The following DZANK1 variants were observed in gnomAD, a reference collection of about 807,000 sequenced individuals.
DZANK1 encodes the protein double zinc ribbon and ankyrin repeat-containing protein 1.
Under a neutral mutation model 94.5 loss-of-function variants are expected in DZANK1, and 91 were observed. That is an observed-to-expected ratio of 0.96 (90% CI 0.81 to 1.15). DZANK1 has a LOEUF of 1.15. Ranked by LOEUF, DZANK1 falls within the 50% of genes most tolerant of loss-of-function variation. The pLI, the probability that DZANK1 is intolerant of heterozygous loss-of-function variation, is 0.00. For missense variants in DZANK1, 903 were observed against 916.4 expected (o/e 0.99, Z 0.19); for synonymous variants, 312 against 325.3 (o/e 0.96, Z 0.44).
At chr20:18,386,026 T>C (rs1158498165) in intron 19 of DZANK1, among the ~76,000 whole-genome samples, 1 of 151,810 alleles carries the variant, frequency 6.6e-6, no homozygotes, top group African/African-American at 2.4e-5. Flanking sequence ...GAGTCATGAC[T>C]GGAAGTAGAA....
At chr20:18,453,188 C>T (rs1205630252) in intron 5 of DZANK1, among the ~76,000 whole-genome samples, 1 of 152,190 alleles carries the variant, frequency 6.6e-6, no homozygotes, top group Non-Finnish European at 1.5e-5. Flanking sequence ...AAACATTCAA[C>T]TCTTGCCTGG....
At chr20:18,438,036 G>A (rs1479710305) in intron 8 of DZANK1, among the ~76,000 whole-genome samples, 1 of 151,688 alleles carries the variant, frequency 6.6e-6, no homozygotes, top group Non-Finnish European at 1.5e-5. Context: ...GGCTAACATG[G>A]TGAAACCCCG....
intron 9 of DZANK1, among the ~76,000 whole-genome samples, chr20:18,428,222 T>A (rs2058136601): frequency 6.6e-6 from 1 of 150,850 alleles, no homozygotes; most frequent in Admixed American, 6.6e-5. Context: ...GGAATCTCCT[T>A]CTGTCACCCA....
chr20:18,421,788 G>A (rs1266932191), intron 10 of DZANK1, among the ~76,000 whole-genome samples: 1 of 152,120 alleles, frequency 6.6e-6, no homozygotes, highest in Admixed American at 6.5e-5. Flanking sequence ...GGATTTGCAG[G>A]TGCCTCATCC....
rs576762659 is a variant in DZANK1 at position 18,441,654 on chromosome 20, G to C, written c.747+1693C>G. 6.6e-6 allele frequency among the ~76,000 whole-genome samples: 1 copy of C among 152,198 alleles called. No homozygotes were observed. The highest frequency in any genetic ancestry group is 6.5e-5 in the Admixed American group (1 of 15,282). On this transcript the variant is annotated intron_variant, in intron 8 of 20. Transcript: ENST00000262547. The surrounding 1 kb of genome is among the most constrained non-coding windows in gnomAD (Gnocchi z 4.1). ...GAATTGAGTGTGGTTGTCACCCACC[G>C]GATGGCAGAGAAGTTCACTGAGGTG...
chr20:18,424,051 G>T (rs1228029227), intron 10 of DZANK1, among the ~76,000 whole-genome samples: 1 of 152,032 alleles, frequency 6.6e-6, no homozygotes, highest in Non-Finnish European at 1.5e-5. Flanking sequence ...GAGAGAGAAG[G>T]AATGATAAAG....
At chr20:18,394,401 C>A in intron 15 of DZANK1, 51 bp from the exon 16 acceptor site, 1 of 1,552,326 alleles carries the variant, frequency 6.4e-7, no homozygotes, top group East Asian at 2.3e-5. Context: ...TGCTTTGTCC[C>A]ACTAGAAAGA....
intron 13 of DZANK1, among the ~76,000 whole-genome samples, 187 bp from the exon 14 acceptor site, chr20:18,398,813 A>G (rs1359099865): frequency 6.6e-6 from 1 of 152,234 alleles, no homozygotes. Context: ...TGCTTGTTAC[A>G]TGTAATTAAT....
Position 18,390,363 on chromosome 20 carries a change from C to G in DZANK1, c.1890+16G>C, listed in dbSNP as rs1325154164. On this transcript the variant is annotated intron_variant, in intron 18 of 20. Coordinates refer to ENST00000262547, the Ensembl canonical transcript of DZANK1. ...CTGAACTCTTCAGAGAGACTGGCTC[C>G]TTTGGCAACACTTACCTCATCCAGC... is the stretch of plus-strand genomic sequence containing the variant. 9 of 1,613,418 alleles carry G rather than the reference C, an allele frequency of 5.6e-6. No homozygotes were observed. The highest frequency in any genetic ancestry group is 7.6e-6 in the Non-Finnish European group (9 of 1,179,404).
chr20:18,426,593 T>G (rs1035478377), intron 10 of DZANK1, among the ~76,000 whole-genome samples: 1 of 152,234 alleles, frequency 6.6e-6, no homozygotes, highest in Non-Finnish European at 1.5e-5. Context: ...GTATTTAAAG[T>G]GCATATACTC....
At chr20:18,460,619 C>T (rs909686585) in intron 2 of DZANK1, among the ~76,000 whole-genome samples, 1 of 152,098 alleles carries the variant, frequency 6.6e-6, no homozygotes, top group Non-Finnish European at 1.5e-5. Context: ...GTCCCAGCTA[C>T]TCAGGAGGCT....
At position 18,413,638 on chromosome 20, in the gene DZANK1, G is replaced by A. The variant is rs1477032156; in HGVS notation, c.1242+710C>T. 3.3e-5 allele frequency among the ~76,000 whole-genome samples: 5 copies of A among 152,064 alleles called. No homozygotes were observed. The East Asian group carries it at 9.7e-4, about 29-fold the overall frequency. ...CTACTAAAAATACAAAAATTAGCCG[G>A]GCATGGTGGCACGGGCCTGTAATCC... On this transcript the variant is annotated intron_variant, in intron 12 of 20. Coordinates refer to ENST00000262547, the Ensembl canonical transcript of DZANK1.
chr20:18,415,204 T>G, intron 11 of DZANK1, 123 bp downstream of exon 11: 1 of 997,140 alleles, frequency 1.0e-6, no homozygotes, highest in Non-Finnish European at 1.3e-6. Context: ...ATTCTTAGGT[T>G]ATAGGTACCA....
intron 10 of DZANK1, among the ~76,000 whole-genome samples, chr20:18,416,090 C>T (rs1363530761): frequency 6.6e-6 from 1 of 152,226 alleles, no homozygotes; most frequent in Non-Finnish European, 1.5e-5. Context: ...CCACACTGCC[C>T]TGCACCCTCA....
At chr20:18,394,700 G>A (rs760872790) in intron 15 of DZANK1, 10 of 514,760 alleles carry the variant, frequency 1.9e-5, no homozygotes, top group Non-Finnish European at 3.8e-5. Flanking sequence ...AAGTGATTGT[G>A]TCATTTCTCT....
intron 2 of DZANK1, among the ~76,000 whole-genome samples, chr20:18,461,604 T>C (rs2059475280): frequency 6.6e-6 from 1 of 151,266 alleles, no homozygotes; most frequent in African/African-American, 2.4e-5. Context: ...TGTAATCTTT[T>C]TTTTTTTTTT....
intron 13 of DZANK1, among the ~76,000 whole-genome samples, chr20:18,402,825 C>T (rs2056753286): frequency 6.6e-6 from 1 of 152,184 alleles, no homozygotes; most frequent in East Asian, 1.9e-4. Flanking sequence ...GAATTTGCCA[C>T]TGCAAACAAA....
intron 19 of DZANK1, among the ~76,000 whole-genome samples, chr20:18,389,455 C>A (rs2048712744): frequency 6.6e-6 from 1 of 152,216 alleles, no homozygotes; most frequent in Non-Finnish European, 1.5e-5. Flanking sequence ...TATGAATTAA[C>A]AAAATGTATC....
chr20:18,394,222 T>A (rs1045897001), intron 16 of DZANK1, 32 bp downstream of exon 16: 10 of 1,592,382 alleles, frequency 6.3e-6, no homozygotes, highest in Non-Finnish European at 8.6e-6. Flanking sequence ...CCTGGTCAGT[T>A]GTTTTAAAAT....
Sources: gnomAD v4.1 joint callset for allele counts (sites outside exome capture counted in the v4.1 genomes callset) on GRCh38, gnomAD v4.1.1 for gene constraint, Gnocchi (gnomAD v3.1) non-coding constraint, MANE v1.5 for transcripts, NCBI Gene and HGNC (gene_info 2026-07-23, HGNC 2026-07-21) for gene names.